SLC49A3: variants seen among roughly 807,000 people sequenced by gnomAD.
SLC49A3 encodes solute carrier family 49 member A3.
SLC49A3 carries 50 observed loss-of-function variants against 43.8 expected under a neutral mutation model. That is an observed-to-expected ratio of 1.14 (90% confidence interval 0.91 to 1.45). SLC49A3 has a LOEUF of 1.45. Ranked by LOEUF, SLC49A3 falls within the 40% of genes most tolerant of loss-of-function variation. The probability of loss-of-function intolerance (pLI) is 0.00; values close to 1 mark genes in which losing one functional copy is unlikely to be tolerated. For synonymous variants in SLC49A3, 413 were observed against 352.0 expected, an observed-to-expected ratio of 1.17 and a Z score of -1.94; for missense variants, 906 against 774.1, an observed-to-expected ratio of 1.17 and a Z score of -2.02.
rs566241497 is a variant in SLC49A3 at position 686,535 on chromosome 4, C to T, written c.291G>A (p.Ala97=). 1.8e-5 allele frequency: 29 copies of T among 1,612,004 alleles called. No individual in the cohort carries two copies. The highest frequency in any genetic ancestry group is 6.7e-5 in the African/African-American group (5 of 74,934). Residue 97 remains alanine (A), a synonymous_variant, in exon 2 of 10, where the codon GCG becomes GCA. Transcript: ENST00000322224. The stretch of plus-strand genomic sequence containing the variant: ...CATGGTGTGGGGTCTGACTCACCGC[C>T]GCACGGAGCCCGACGGAGTCCAGGA... ...IWILDSVGLR[A]ATILGAWLNF... is the part of the protein sequence containing the mutation.
intron 6 of SLC49A3, 51 bp downstream of exon 6, chr4:684,432 A>G: frequency 6.2e-7 from 1 of 1,604,806 alleles, no homozygotes; most frequent in Non-Finnish European, 8.5e-7. Context: ...CTCCATGGCC[A>G]TATGGGGCGG....
chr4:689,771 C>G (rs534750958), upstream of SLC49A3, among the ~76,000 whole-genome samples: 2 of 152,260 alleles, frequency 1.3e-5, no homozygotes, highest in Admixed American at 1.3e-4. Flanking sequence ...ATGGAGGACA[C>G]GGCTCTCAGA....
upstream of SLC49A3, chr4:689,171 C>G: frequency 1.6e-6 from 2 of 1,272,390 alleles, no homozygotes; most frequent in Non-Finnish European, 9.9e-7. Flanking sequence ...GCCGGCCGCC[C>G]GGGCTTAAGG....
At position 683,117 on chromosome 4, in the gene SLC49A3, AG is replaced by A; in HGVS notation, c.1151+92del. 1.1e-5 allele frequency: 16 copies of A among 1,512,366 alleles called. No individual in the cohort carries two copies. In the South Asian group the frequency reaches 1.8e-4, roughly 17 times the overall value. The allele number at this position is 1,512,366 out of a possible 1,614,324, so 93.7% of individuals were successfully genotyped here. ...AGGCAGGTTCCCCACCTCCCCGAAA[AG>A]GGGCCTGGACCACATGGTGCAACCC... On this transcript the variant is annotated intron_variant, in intron 8 of 9. Coordinates refer to ENST00000322224, the MANE Select transcript of SLC49A3 (RefSeq NM_032219.4).
At chr4:690,799 G>T (rs1004948984), upstream of SLC49A3, among the ~76,000 whole-genome samples, 6 of 152,208 alleles carry the variant, frequency 3.9e-5, no homozygotes, top group African/African-American at 1.4e-4. Flanking sequence ...CCTACATGTC[G>T]GAACTCTTGG....
chr4:680,631 CCA>C (rs764307743), downstream of SLC49A3: 59 of 1,587,640 alleles, frequency 3.7e-5, no homozygotes, highest in Non-Finnish European at 5.0e-5. Flanking sequence ...CCGGGGAACC[CCA>C]GTGATCTCAT....
In SLC49A3 at chr4:681,859, A is replaced by G. The variant is rs1167931706; in HGVS notation, c.*99T>C. The G allele has an allele frequency of 7.7e-7, 1 of 1,306,110 alleles. No homozygotes were observed. Among genetic ancestry groups the G allele is most frequent in the Non-Finnish European group, 9.8e-7 (1 of 1,019,376 alleles). The allele number at this position is 1,306,110 out of a possible 1,614,324, so 80.9% of individuals were successfully genotyped here. A position where few individuals can be genotyped will look rare whatever the true frequency, so the allele number is the denominator to read the frequency against. ...GTGCGCGCTTGTAATTCGCTCCCGG[A>G]GCCCGCAAGGAGCCCTTTCGCCCCC... On this transcript the variant is annotated 3_prime_UTR_variant, in exon 10 of 10. Coordinates refer to ENST00000322224, the MANE Select transcript of SLC49A3 (RefSeq NM_032219.4).
At chr4:690,381 C>T (rs546691053), upstream of SLC49A3, among the ~76,000 whole-genome samples, 1 of 152,084 alleles carries the variant, frequency 6.6e-6, no homozygotes, top group Non-Finnish European at 1.5e-5. Context: ...ACCGTCTAGC[C>T]TCCCCCCTCA....
Position 682,084 on chromosome 4 carries a change from C to T in SLC49A3, c.1554G>A (p.Ala518=). 6 of 1,398,060 alleles carry T rather than the reference C, an allele frequency of 4.3e-6. No individual in the cohort carries two copies. Among genetic ancestry groups the T allele is most frequent in the South Asian group, 1.6e-5 (1 of 60,910 alleles). The allele number at this position is 1,398,060 out of a possible 1,614,324, so 86.6% of individuals were successfully genotyped here. A position where few individuals can be genotyped will look rare whatever the true frequency, so the allele number is the denominator to read the frequency against. The change falls in exon 10 of 10, where the codon GCG becomes GCA. Residue 518 remains alanine (A), a synonymous_variant. Coordinates refer to ENST00000322224, the MANE Select transcript of SLC49A3 (RefSeq NM_032219.4). ...GCGCGTCGGTGGCTGCTGGGCCTTG[C>T]GCACGGGGAGTCGCTCGGTGGCAGG... ...HPACHRATPR[A]QGPAATDAPS...
At chr4:681,766 A>C (rs1481995973), downstream of SLC49A3, 11 of 1,150,892 alleles carry the variant, frequency 9.6e-6, no homozygotes, top group African/African-American at 1.9e-4. Flanking sequence ...CGCCGCCCTC[A>C]CCCCGCACCC....
At chr4:691,036 C>T (rs574026167), upstream of SLC49A3, among the ~76,000 whole-genome samples, 24 of 152,314 alleles carry the variant, frequency 1.6e-4, no homozygotes, top group South Asian at 4.6e-3. Flanking sequence ...CCTGTAATCC[C>T]AGCACTTTGG....
At chr4:681,375 C>T (rs1739490077), downstream of SLC49A3, among the ~76,000 whole-genome samples, 1 of 152,056 alleles carries the variant, frequency 6.6e-6, no homozygotes, top group South Asian at 2.1e-4. Flanking sequence ...GAGACCCCTC[C>T]GCGGCCTGAG....
chr4:678,620 C>G (rs1177072535), downstream of SLC49A3: 2 of 1,575,990 alleles, frequency 1.3e-6, no homozygotes. Flanking sequence ...GTTTCGTCAG[C>G]CAGCCCAGGA....
chr4:688,976 C>G lies in SLC49A3; in HGVS notation c.135+17G>C. 1 of 1,587,540 alleles carries G rather than the reference C, an allele frequency of 6.3e-7. No homozygotes were observed. Among genetic ancestry groups the G allele is most frequent in the East Asian group, 2.4e-5 (1 of 41,128 alleles). Reference sequence around the variant, plus strand: ...ACTGAGGGTCCCGGAGCCACCTGTCCCCGCCCCTGCCCCTACCGTGGCGTT... The same window carrying G: ...ACTGAGGGTCCCGGAGCCACCTGTCGCCGCCCCTGCCCCTACCGTGGCGTT... On this transcript the variant is annotated intron_variant, in intron 1 of 9. Coordinates refer to ENST00000322224, the MANE Select transcript of SLC49A3 (RefSeq NM_032219.4).
At chr4:681,217 C>A (rs1404041735), downstream of SLC49A3, 4 of 1,527,998 alleles carry the variant, frequency 2.6e-6, no homozygotes, top group East Asian at 4.7e-5. Flanking sequence ...GAGGGGGACG[C>A]GGAGCCCGAG....
At chr4:680,740 C>T, downstream of SLC49A3, 1 of 797,578 alleles carries the variant, frequency 1.3e-6, no homozygotes, top group Non-Finnish European at 2.0e-6. Flanking sequence ...AGGATCCCAG[C>T]TGAGTGGGAG....
At chr4:687,753 A>G (rs1400585913) in intron 1 of SLC49A3, among the ~76,000 whole-genome samples, 1 of 152,154 alleles carries the variant, frequency 6.6e-6, no homozygotes, top group African/African-American at 2.4e-5. Flanking sequence ...AGTCTCATCC[A>G]GAGCACTGGG....
At chr4:686,975 C>A (rs1303892280) in intron 1 of SLC49A3, among the ~76,000 whole-genome samples, 1 of 152,228 alleles carries the variant, frequency 6.6e-6, no homozygotes, top group Non-Finnish European at 1.5e-5. Flanking sequence ...CGAGCCCTGC[C>A]CAGACCAGAC....
At chr4:678,823 C>T, downstream of SLC49A3, 4 of 1,607,756 alleles carry the variant, frequency 2.5e-6, no homozygotes, top group Non-Finnish European at 3.4e-6. Flanking sequence ...GCTGGGAAGA[C>T]CCCATGTGGG....
Sources: allele counts gnomAD v4.1 joint callset (sites outside exome capture counted in the v4.1 genomes callset), GRCh38; gene constraint gnomAD v4.1.1; transcripts MANE v1.5; gene names NCBI Gene and HGNC (gene_info 2026-07-23, HGNC 2026-07-21).